Variants in SEC23B observed in about 807,000 individuals in gnomAD.
SEC23B encodes protein transport protein Sec23B.
SEC23B carries 77 observed loss-of-function variants against 104.3 expected under a neutral mutation model. That is an observed-to-expected ratio of 0.74 (90% CI 0.61 to 0.89). The LOEUF (loss-of-function observed/expected upper bound fraction) is 0.89. SEC23B is among the 40% of genes least tolerant of loss of function. SEC23B has a pLI of 0.00. For missense variants in SEC23B, 885 were observed against 949.4 expected (o/e 0.93, Z 0.89); for synonymous variants, 338 against 332.5 (o/e 1.02, Z -0.18).
intron 1 of SEC23B, chr20:18,508,309 C>T (rs907230741): frequency 1.3e-5 from 2 of 152,200 alleles, no homozygotes; most frequent in Non-Finnish European, 2.9e-5. Flanking sequence ...TCCTTGGACT[C>T]CCTTCAAGGA....
chr20:18,514,359 T>C (rs2148887694), intron 3 of SEC23B, among the ~76,000 whole-genome samples: 1 of 152,298 alleles, frequency 6.6e-6, no homozygotes, highest in African/African-American at 2.4e-5. Flanking sequence ...TTATCCCTGC[T>C]GGGAGCTGCA....
At chr20:18,522,150 C>CG (rs2060089642) in intron 4 of SEC23B, among the ~76,000 whole-genome samples, 1 of 152,054 alleles carries the variant, frequency 6.6e-6, no homozygotes, top group African/African-American at 2.4e-5. Context: ...GGTAGAGACA[C>CG]GGAGTAGGGG....
intron 16 of SEC23B, among the ~76,000 whole-genome samples, chr20:18,549,708 C>T (rs577332677): frequency 2.0e-5 from 3 of 152,214 alleles, no homozygotes; most frequent in East Asian, 1.9e-4. Flanking sequence ...TTTTCTTTAT[C>T]GAGTACCACT....
chr20:18,508,319 A>ATTAAACCT (rs1284117592), intron 1 of SEC23B: 1 of 152,224 alleles, frequency 6.6e-6, no homozygotes, highest in Non-Finnish European at 1.5e-5. Context: ...CCCTTCAAGG[A>ATTAAACCT]TTAAACCTCA....
chr20:18,557,740 CTTTTCT>C (rs1469838558), intron 19 of SEC23B, among the ~76,000 whole-genome samples: 14 of 117,572 alleles, frequency 1.2e-4, no homozygotes, highest in East Asian at 8.1e-4. Flanking sequence ...TTTCTTTTTT[CTTTTCT>C]TTTTTTTTTT....
intron 2 of SEC23B, 135 bp downstream of exon 2, chr20:18,511,191 G>A (rs1600224589): frequency 2.8e-6 from 2 of 715,958 alleles, no homozygotes; most frequent in Non-Finnish European, 2.5e-6. Context: ...ACTCCTAAAC[G>A]ATTCTTGTGG....
intron 11 of SEC23B, 125 bp from the exon 12 acceptor site, chr20:18,535,528 T>A: frequency 1.4e-6 from 1 of 708,824 alleles, no homozygotes; most frequent in Non-Finnish European, 2.5e-6. Context: ...TATTTCAACT[T>A]AAATGTTCTC....
intron 8 of SEC23B, 146 bp downstream of exon 8, chr20:18,526,677 T>A: frequency 1.2e-6 from 1 of 854,280 alleles, no homozygotes; most frequent in Non-Finnish European, 1.9e-6. Context: ...TAGCTGCTGT[T>A]AAATTATTGC....
chr20:18,543,012 T>C lies in SEC23B; in HGVS notation c.1512-7T>C, dbSNP rs576526564. 2.7e-5 allele frequency: 44 copies of C among 1,614,006 alleles called. No homozygotes were observed. The highest frequency in any genetic ancestry group is 3.6e-5 in the Non-Finnish European group (43 of 1,180,006). On this transcript the variant is annotated splice_polypyrimidine_tract_variant and splice_region_variant and intron_variant, in intron 13 of 19. Coordinates refer to ENST00000650089, the MANE Select transcript of SEC23B (RefSeq NM_006363.6). Reference sequence around the variant, plus strand: ...CATAAGCATGGCACTAACTCTGGAATTGTCAGTTGGGCAGATGTACAGAGT... The same window carrying C: ...CATAAGCATGGCACTAACTCTGGAACTGTCAGTTGGGCAGATGTACAGAGT...
chr20:18,526,295 G>C, intron 7 of SEC23B, 78 bp from the exon 8 acceptor site: 1 of 1,491,674 alleles, frequency 6.7e-7, no homozygotes, highest in Non-Finnish European at 9.3e-7. Context: ...CATCTTTGGA[G>C]TATTTCTATT....
rs944414007 is a variant in SEC23B at position 18,551,023 on chromosome 20, G to A, written c.1906-66G>A. 2.4e-5 allele frequency: 23 copies of A among 973,076 alleles called. No homozygotes were observed. In the African/African-American group the frequency reaches 3.3e-4, roughly 14 times the overall value. The allele number at this position is 973,076 out of a possible 1,614,324, so 60.3% of individuals were successfully genotyped here. On this transcript the variant is annotated intron_variant, in intron 16 of 19. Coordinates refer to ENST00000650089, the MANE Select transcript of SEC23B (RefSeq NM_006363.6). Reference sequence around the variant, plus strand: ...ATACCAGGCATGGGATCAGGGTCGGGTGGAAGTGGTTGCTGTGTGGGGAGC... The same window carrying A: ...ATACCAGGCATGGGATCAGGGTCGGATGGAAGTGGTTGCTGTGTGGGGAGC...
At chr20:18,555,263 C>T in intron 19 of SEC23B, 90 bp downstream of exon 19, 3 of 1,099,006 alleles carry the variant, frequency 2.7e-6, no homozygotes, top group Non-Finnish European at 4.2e-6. Flanking sequence ...CTCTTTTGGC[C>T]TGGAGACAGA....
Position 18,542,408 on chromosome 20 carries a change from C to G in SEC23B, c.1511+6C>G. On this transcript the variant is annotated splice_donor_region_variant and intron_variant, in intron 13 of 19. Coordinates refer to ENST00000650089, the MANE Select transcript of SEC23B (RefSeq NM_006363.6). ...GTGACCACCATCGCCCGAAAGTAAG[C>G]AGCCCCAGTTTCCTTTCTGTTGAGG... The G allele has an allele frequency of 1.9e-6, 3 of 1,611,634 alleles. No homozygotes were observed. Among genetic ancestry groups the G allele is most frequent in the Non-Finnish European group, 2.5e-6 (3 of 1,177,690 alleles).
chr20:18,523,397 C>CTTTTTTT lies in SEC23B; in HGVS notation c.367-1026_367-1020dup, dbSNP rs112136906. 2.7e-4 allele frequency among the ~76,000 whole-genome samples: 35 copies of CTTTTTTT among 130,560 alleles called. 1 individual carries two copies. Among genetic ancestry groups the CTTTTTTT allele is most frequent in the Non-Finnish European group, 3.9e-4 (25 of 63,826 alleles). 85.7% of individuals were successfully genotyped at this position (130,560 alleles called of 152,430 possible). On this transcript the variant is annotated intron_variant, in intron 4 of 19. Transcript: ENST00000650089. ...TTCTCTTTCTTTGTTTCTTTCCTTT[C>CTTTTTTT]TTTTTTTTTTTTTTTTCTTTTTTTA...
intron 15 of SEC23B, among the ~76,000 whole-genome samples, chr20:18,548,045 G>C (rs990028922): frequency 6.6e-6 from 1 of 152,052 alleles, no homozygotes; most frequent in African/African-American, 2.4e-5. Context: ...TCCCCCTACT[G>C]GGTTCAAGTG....
intron 10 of SEC23B, 38 bp downstream of exon 10, chr20:18,530,841 T>A: frequency 6.5e-7 from 1 of 1,538,906 alleles, no homozygotes; most frequent in Non-Finnish European, 9.0e-7. Context: ...GTGGACTCAC[T>A]GTACTGCCCA....
At chr20:18,509,493 C>T (rs1258958209) in intron 1 of SEC23B, 1 of 152,072 alleles carries the variant, frequency 6.6e-6, no homozygotes, top group East Asian at 1.9e-4. Context: ...TGTGTGTTAC[C>T]CTAGATTTTA....
intron 19 of SEC23B, among the ~76,000 whole-genome samples, chr20:18,558,690 C>T (rs1170376317): frequency 4.6e-5 from 7 of 152,164 alleles, no homozygotes; most frequent in African/African-American, 1.2e-4. Flanking sequence ...ATGCACTGCG[C>T]TTTTTGTTTG....
chr20:18,525,041 G>A lies in SEC23B; in HGVS notation c.689+21G>A, dbSNP rs1254255564. On this transcript the variant is annotated intron_variant, in intron 6 of 19. Coordinates refer to ENST00000650089, the MANE Select transcript of SEC23B (RefSeq NM_006363.6). Reference sequence around the variant, plus strand: ...AGCAGGTGAGAGCCCAACATGGAGTGTTACACGTATTGTGATGGACATGCA... The same window carrying A: ...AGCAGGTGAGAGCCCAACATGGAGTATTACACGTATTGTGATGGACATGCA... 3.3e-5 allele frequency: 53 copies of A among 1,604,670 alleles called. No homozygotes were observed. The East Asian group carries it at 1.2e-3, about 35-fold the overall frequency.
Sources: gnomAD v4.1 joint callset for allele counts (sites outside exome capture counted in the v4.1 genomes callset) on GRCh38, gnomAD v4.1.1 for gene constraint, MANE v1.5 for transcripts, NCBI Gene and HGNC (gene_info 2026-07-23, HGNC 2026-07-21) for gene names.